Variants in FGF13 observed in about 807,000 individuals in gnomAD.
FGF13 encodes the protein fibroblast growth factor homologous factor 2.
FGF13 carries 2 observed loss-of-function variants against 19.5 expected under a neutral mutation model. The ratio of observed to expected loss-of-function variants is 0.10; its 90% CI spans 0.04 to 0.32. The LOEUF (loss-of-function observed/expected upper bound fraction) is 0.32. Among genes scored for constraint, FGF13 ranks in the 10% least tolerant of loss-of-function variants. The pLI, the probability that FGF13 is intolerant of heterozygous loss-of-function variation, is 1.00. For missense variants in FGF13, 113 were observed against 192.7 expected (o/e 0.59, Z 2.45); for synonymous variants, 72 against 76.9 (o/e 0.94, Z 0.33).
rs772203747 is a variant in FGF13 at position 138,798,247 on chromosome X, G to GT, written c.217+59264dup. Among the ~76,000 whole-genome samples the GT allele has an allele frequency of 6.3e-5, 7 of 111,361 alleles. No homozygotes were observed. In the East Asian group the frequency reaches 8.5e-4, roughly 14 times the overall value. ...TTGAGATATGTTCCATAAATACCCA[G>GT]TTTTTTTAGAGTTTTAGCATGAAGG... On this transcript the variant is annotated intron_variant, in intron 3 of 6. Transcript: ENST00000436198.
chrX:139,202,141 A>G (rs997297282), intron 1 of FGF13, among the ~76,000 whole-genome samples: 2 of 112,232 alleles, frequency 1.8e-5, no homozygotes, highest in Non-Finnish European at 3.8e-5. Flanking sequence ...TGCAAATTAT[A>G]AACAGAACAG....
intron 3 of FGF13, among the ~76,000 whole-genome samples, chrX:138,844,119 C>T (rs1255441602): frequency 1.8e-5 from 2 of 112,059 alleles, no homozygotes; most frequent in Non-Finnish European, 3.8e-5. Context: ...GTAAAGTTGG[C>T]AGAAAACTTG....
At chrX:139,158,079 A>G (rs1415490384) in intron 1 of FGF13, among the ~76,000 whole-genome samples, 1 of 111,835 alleles carries the variant, frequency 8.9e-6, no homozygotes, top group Non-Finnish European at 1.9e-5. Context: ...TCCAGCCCAG[A>G]TACTATGCCC....
intron 3 of FGF13, among the ~76,000 whole-genome samples, chrX:138,767,619 G>A (rs1472415853): frequency 8.9e-6 from 1 of 112,019 alleles, no homozygotes; most frequent in African/African-American, 3.2e-5. Flanking sequence ...CTGAAATTCT[G>A]GAGGCCATAG....
intron 3 of FGF13, among the ~76,000 whole-genome samples, chrX:138,667,069 TTA>T (rs1479096590): frequency 9.2e-6 from 1 of 108,555 alleles, no homozygotes; most frequent in Non-Finnish European, 1.9e-5. Flanking sequence ...TATATGTATT[TTA>T]TATATGTACA....
intron 3 of FGF13, among the ~76,000 whole-genome samples, chrX:138,686,614 C>T (rs982564941): frequency 1.2e-4 from 13 of 111,675 alleles, no homozygotes; most frequent in South Asian, 3.7e-4. Context: ...AATATACTTA[C>T]GCCTCTATGC....
At chrX:139,084,641 TG>T (rs77476155) in intron 1 of FGF13, among the ~76,000 whole-genome samples, 10,367 of 111,726 alleles carry the variant, frequency 0.093, 675 homozygotes, top group African/African-American at 0.22. Context: ...AGTCCATGAA[TG>T]GGAACCTTAG....
At chrX:138,689,438 G>A (rs1282744123) in intron 3 of FGF13, among the ~76,000 whole-genome samples, 1 of 111,185 alleles carries the variant, frequency 9.0e-6, no homozygotes, top group Non-Finnish European at 1.9e-5. Context: ...CAAGGACCAT[G>A]AGTGGTTCCA....
chrX:138,913,688 G>A (rs773056824), intron 1 of FGF13, among the ~76,000 whole-genome samples: 1 of 102,261 alleles, frequency 9.8e-6, no homozygotes. Flanking sequence ...AAGGAAGGAA[G>A]GAAGGAAGGA....
intron 1 of FGF13, among the ~76,000 whole-genome samples, chrX:138,909,197 T>C (rs2091574503): frequency 8.9e-6 from 1 of 111,969 alleles, no homozygotes; most frequent in South Asian, 3.8e-4. Flanking sequence ...GCTGTTTTCC[T>C]GTTTCCCGGG....
At chrX:138,950,130 A>G (rs1417875519) in intron 1 of FGF13, among the ~76,000 whole-genome samples, 1 of 111,947 alleles carries the variant, frequency 8.9e-6, no homozygotes, top group Non-Finnish European at 1.9e-5. Context: ...GACATGACAA[A>G]TAGCCAGGGA....
At chrX:138,867,397 T>A (rs1456876750) in intron 1 of FGF13, among the ~76,000 whole-genome samples, 2 of 111,027 alleles carry the variant, frequency 1.8e-5, no homozygotes, top group African/African-American at 6.6e-5. Flanking sequence ...CAAACCTGGG[T>A]GACAAAGCAA....
At chrX:138,660,423 T>C (rs754685627) in intron 3 of FGF13, among the ~76,000 whole-genome samples, 16 of 111,858 alleles carry the variant, frequency 1.4e-4, no homozygotes, top group Non-Finnish European at 2.6e-4. Context: ...AGTGCCCTTC[T>C]TAGAAATTCT....
At chrX:138,661,134 A>T (rs1308124043) in intron 3 of FGF13, among the ~76,000 whole-genome samples, 1 of 111,672 alleles carries the variant, frequency 9.0e-6, no homozygotes, top group African/African-American at 3.3e-5. Context: ...TACGTAAGTT[A>T]CTTGGCTAGT....
At chrX:138,718,090 G>C (rs903481972) in intron 1 of FGF13, among the ~76,000 whole-genome samples, 1 of 112,296 alleles carries the variant, frequency 8.9e-6, no homozygotes, top group Non-Finnish European at 1.9e-5. Flanking sequence ...AGAGTGTCTA[G>C]AGCCAAGAAA....
At position 138,631,077 on chromosome X, in the gene FGF13, G is replaced by A. The variant is rs774302948; in HGVS notation, c.*1773C>T. 1.8e-5 allele frequency: 2 copies of A among 109,762 alleles called. No individual in the cohort carries two copies. The highest frequency in any genetic ancestry group is 9.7e-5 in the Admixed American group (1 of 10,320). The allele number at this position is 109,762 out of a possible 1,213,427, so 9.0% of individuals were successfully genotyped here. A position where few individuals can be genotyped will look rare whatever the true frequency, so the allele number is the denominator to read the frequency against. On this transcript the variant is annotated 3_prime_UTR_variant, in exon 5 of 5. Transcript: ENST00000315930. ...GCTTCTGTACCACTGTAAAGCCCCC[G>A]AAAAAATGTAAGTTGAACTACTGTA... is the stretch of plus-strand genomic sequence containing the variant.
At chrX:139,028,625 G>C (rs1218027705) in intron 1 of FGF13, among the ~76,000 whole-genome samples, 1 of 58,276 alleles carries the variant, frequency 1.7e-5, no homozygotes, top group Non-Finnish European at 3.4e-5. Flanking sequence ...GTGAGAGAGA[G>C]AGAGAGAGAG....
At position 139,080,355 on chromosome X, in the gene FGF13, C is replaced by T. The variant is rs2090022893; in HGVS notation, c.-113+123061G>A. The stretch of plus-strand genomic sequence containing the variant: ...CTCTCTCTTCCATACCTGTTTGTAA[C>T]AAGTGGAACATACTCCACATTCAAT... On this transcript the variant is annotated intron_variant, in intron 1 of 2. Transcript: ENST00000421460. 2.7e-5 allele frequency among the ~76,000 whole-genome samples: 3 copies of T among 111,605 alleles called. No individual in the cohort carries two copies. The Admixed American group carries it at 2.9e-4, about 11-fold the overall frequency.
chrX:138,840,024 C>A (rs1272347904), intron 3 of FGF13, among the ~76,000 whole-genome samples: 1 of 111,598 alleles, frequency 9.0e-6, no homozygotes, highest in Non-Finnish European at 1.9e-5. Flanking sequence ...GCAATGGTGG[C>A]TATGGTGTTG....
Sources: allele counts gnomAD v4.1 joint callset (sites outside exome capture counted in the v4.1 genomes callset), GRCh38; gene constraint gnomAD v4.1.1; transcripts MANE v1.5; gene names NCBI Gene and HGNC (gene_info 2026-07-23, HGNC 2026-07-21).